CTBP2: variants seen among roughly 807,000 people sequenced by gnomAD.
CTBP2 encodes the protein C-terminal binding protein 2.
Under a neutral mutation model 80.3 loss-of-function variants are expected in CTBP2, and 30 were observed. The observed-to-expected ratio is 0.37, with a 90% CI of 0.28 to 0.51. The LOEUF is 0.51. Ranked by LOEUF, CTBP2 falls within the 20% of genes least tolerant of loss-of-function variation. The probability of loss-of-function intolerance (pLI) is 0.93; values close to 1 mark genes in which losing one functional copy is unlikely to be tolerated. For synonymous variants in CTBP2, 594 were observed against 587.4 expected (o/e 1.01, Z -0.16); for missense variants, 1,212 against 1,375.3 (o/e 0.88, Z 1.88).
chr10:125,144,136 C>CG (rs1858323848), intron 1 of CTBP2, among the ~76,000 whole-genome samples: 1 of 152,324 alleles, frequency 6.6e-6, no homozygotes, highest in African/African-American at 2.4e-5. Context: ...TAAGGACACC[C>CG]GTGGATGCTC....
At chr10:125,155,842 A>AAG (rs1380571206) in intron 1 of CTBP2, among the ~76,000 whole-genome samples, 1 of 152,182 alleles carries the variant, frequency 6.6e-6, no homozygotes, top group Non-Finnish European at 1.5e-5. Flanking sequence ...AGCGTAAATT[A>AAG]AGACATGCTT....
rs533021319 is a variant in CTBP2 at position 125,134,992 on chromosome 10, C to T, written c.-205-23899G>A. On this transcript the variant is annotated intron_variant, in intron 1 of 10. Coordinates refer to the CTBP2 transcript ENST00000337195. ...ACAGCCAACCCCCGGGGACCTTAGCCGACGTTCACAACCTCAAACCTTCCC... is the reference window on the plus strand; with the variant it reads ...ACAGCCAACCCCCGGGGACCTTAGCTGACGTTCACAACCTCAAACCTTCCC... Among the ~76,000 whole-genome samples the T allele has an allele frequency of 1.4e-4, 21 of 152,204 alleles. No homozygotes were observed. In the South Asian group the frequency reaches 3.3e-3, roughly 24 times the overall value.
chr10:125,082,905 C>T (rs1159761143), intron 2 of CTBP2, among the ~76,000 whole-genome samples: 2 of 152,308 alleles, frequency 1.3e-5, no homozygotes, highest in African/African-American at 2.4e-5. Flanking sequence ...AGAATTTTCA[C>T]AGGACATATG....
upstream of CTBP2, among the ~76,000 whole-genome samples, chr10:125,161,909 G>A (rs1156322587): frequency 2.0e-5 from 3 of 152,118 alleles, no homozygotes; most frequent in African/African-American, 7.2e-5. Flanking sequence ...AGTCTGCACA[G>A]CGAGCCTGGG....
At chr10:125,117,068 G>A (rs919063910) in intron 1 of CTBP2, among the ~76,000 whole-genome samples, 2 of 152,220 alleles carry the variant, frequency 1.3e-5, no homozygotes, top group African/African-American at 4.8e-5. Context: ...GCCACCCTCA[G>A]TGCAGTCTCT....
intron 2 of CTBP2, among the ~76,000 whole-genome samples, chr10:125,039,632 C>T (rs1019066142): frequency 4.6e-5 from 7 of 152,334 alleles, no homozygotes; most frequent in South Asian, 2.1e-4. Context: ...AAAACAGCCG[C>T]GCAGGGGTCA....
chr10:125,005,599 C>T (rs758496081), intron 1 of CTBP2: 1 of 1,612,738 alleles, frequency 6.2e-7, no homozygotes, highest in Admixed American at 1.7e-5. Flanking sequence ...AAGCTGGATA[C>T]CCCCTCAGCT....
chr10:125,026,669 A>G lies in CTBP2; in HGVS notation c.1091T>C (p.Leu364Pro). ...GAAGCTGCTGGACCGCGCCCGGGGC[A>G]GCGGGCCCCCCCGGTCCTGCCTCCG... The change falls in exon 1 of 9, where the codon CTG (leucine) becomes CCG (proline). Residue 364 changes from leucine to proline, a missense_variant. Physicochemically the swap from Leu to Pro is moderately conservative, Grantham distance 98 (BLOSUM62 -3). This residue lies in a region of CTBP2 where 848 missense variants were observed against 782.3 expected (regional missense o/e 1.08). Coordinates refer to ENST00000309035, the MANE Select transcript of CTBP2 (RefSeq NM_022802.3). 5 of 1,605,226 alleles carry G rather than the reference A, an allele frequency of 3.1e-6. No individual in the cohort carries two copies. The highest frequency in any genetic ancestry group is 4.2e-6 in the Non-Finnish European group (5 of 1,176,516).
intron 1 of CTBP2, among the ~76,000 whole-genome samples, chr10:125,014,205 C>T (rs1956236790): frequency 6.6e-6 from 1 of 152,248 alleles, no homozygotes; most frequent in Non-Finnish European, 1.5e-5. Flanking sequence ...CACGGTCCTC[C>T]TCACGGTGTC....
chr10:125,072,205 G>T (rs1564850728), intron 2 of CTBP2, among the ~76,000 whole-genome samples: 1 of 152,156 alleles, frequency 6.6e-6, no homozygotes, highest in Non-Finnish European at 1.5e-5. Flanking sequence ...CCAGCTACTC[G>T]GGAGGCTGTG....
rs182502164 is a variant in CTBP2 at position 125,078,588 on chromosome 10, C to T, written c.-102+32402G>A. Among the ~76,000 whole-genome samples the T allele has an allele frequency of 1.1e-3, 166 of 151,364 alleles. 4 individuals are homozygous for T. In the South Asian group the frequency reaches 0.014, roughly 13 times the overall value. ...TCTACCAGGGTTGACTTCAAAGTGT[C>T]GGGGGGAAAGTGCTGTTTTGAGTTG... On this transcript the variant is annotated intron_variant, in intron 2 of 10. Coordinates refer to the CTBP2 transcript ENST00000337195.
chr10:125,106,693 A>G (rs1164421848), intron 2 of CTBP2, among the ~76,000 whole-genome samples: 1 of 152,240 alleles, frequency 6.6e-6, no homozygotes, highest in East Asian at 1.9e-4. Context: ...CCAGCGAAGG[A>G]GCAACTCAGC....
intron 1 of CTBP2, among the ~76,000 whole-genome samples, chr10:125,150,174 T>C (rs1859568537): frequency 6.6e-6 from 1 of 152,260 alleles, no homozygotes; most frequent in Admixed American, 6.5e-5. Flanking sequence ...GCAACCAGAG[T>C]TGGGGAGGGG....
At chr10:125,136,788 C>T (rs924160603) in intron 1 of CTBP2, among the ~76,000 whole-genome samples, 5 of 152,214 alleles carry the variant, frequency 3.3e-5, no homozygotes, top group African/African-American at 1.2e-4. Flanking sequence ...CAAACGCTGC[C>T]TATTAGTCCC....
At chr10:125,124,631 CT>C (rs1196891822) in intron 1 of CTBP2, among the ~76,000 whole-genome samples, 1 of 152,178 alleles carries the variant, frequency 6.6e-6, no homozygotes, top group African/African-American at 2.4e-5. Flanking sequence ...TTTAAAGCTG[CT>C]TAAAACACAC....
chr10:125,054,904 C>T (rs1027837289), intron 2 of CTBP2, among the ~76,000 whole-genome samples: 1 of 152,134 alleles, frequency 6.6e-6, no homozygotes, highest in African/African-American at 2.4e-5. Flanking sequence ...AACAGCAATG[C>T]GTACAAGCTG....
At chr10:125,071,622 T>C (rs990483574) in intron 2 of CTBP2, among the ~76,000 whole-genome samples, 11 of 152,170 alleles carry the variant, frequency 7.2e-5, no homozygotes, top group African/African-American at 2.4e-4. Context: ...AACAGGAGAA[T>C]GGACCAGTCC....
At chr10:125,053,595 G>A (rs1963259650) in intron 2 of CTBP2, among the ~76,000 whole-genome samples, 1 of 152,136 alleles carries the variant, frequency 6.6e-6, no homozygotes, top group Non-Finnish European at 1.5e-5. Context: ...GCAGAGAAGG[G>A]GTGAGGCTAA....
intron 2 of CTBP2, among the ~76,000 whole-genome samples, chr10:125,071,512 G>A (rs114979845): frequency 3.3e-5 from 5 of 152,266 alleles, no homozygotes; most frequent in African/African-American, 1.2e-4. Context: ...CAAGGCGAAG[G>A]GGTCCCACCC....
Sources: gnomAD v4.1 joint callset for allele counts (sites outside exome capture counted in the v4.1 genomes callset) on GRCh38, gnomAD v4.1.1 for gene constraint, gnomAD v4.1.1 regional missense constraint, MANE v1.5 for transcripts, NCBI Gene and HGNC (gene_info 2026-07-23, HGNC 2026-07-21) for gene names.